The following SLC22A9 variants were observed in gnomAD, a reference collection of about 807,000 sequenced individuals.
The protein encoded by SLC22A9 is organic anion transporter 7.
A neutral mutation model predicts 50.1 loss-of-function variants in SLC22A9; 64 were observed. The observed-to-expected ratio is 1.28, with a 90% CI of 1.04 to 1.57. The LOEUF (loss-of-function observed/expected upper bound fraction) is 1.57, where lower values mean the gene tolerates loss of function less well. Among genes scored for constraint, SLC22A9 ranks in the 40% most tolerant of loss-of-function variants. The pLI is 0.00. For synonymous variants in SLC22A9, 261 were observed against 242.5 expected (o/e 1.08, Z -0.71); for missense variants, 757 against 676.1 (o/e 1.12, Z -1.33).
chr11:63,391,248 T>TGTTAAG (rs2014758794), intron 6 of SLC22A9, among the ~76,000 whole-genome samples: 1 of 152,166 alleles, frequency 6.6e-6, no homozygotes, highest in South Asian at 2.1e-4. Flanking sequence ...ATATGGTCTA[T>TGTTAAG]CCTTAAGAAA....
intron 4 of SLC22A9, 26 bp downstream of exon 4, chr11:63,374,088 T>C (rs200709539): frequency 5.1e-6 from 8 of 1,579,524 alleles, no homozygotes; most frequent in Non-Finnish European, 6.9e-6. Context: ...TTCTTTTGTC[T>C]TAATGAGATA....
intron 6 of SLC22A9, among the ~76,000 whole-genome samples, chr11:63,401,815 GCTAT>G (rs2014956421): frequency 6.6e-6 from 1 of 152,064 alleles, no homozygotes; most frequent in Non-Finnish European, 1.5e-5. Flanking sequence ...GGTGTAAGAT[GCTAT>G]CTCATTATTG....
intron 6 of SLC22A9, among the ~76,000 whole-genome samples, chr11:63,391,273 G>T (rs1365564438): frequency 6.6e-6 from 1 of 152,010 alleles, no homozygotes; most frequent in African/African-American, 2.4e-5. Flanking sequence ...CATGAGCTGA[G>T]GAGAAAAGTG....
At position 63,408,121 on chromosome 11, in the gene SLC22A9, C is replaced by G. The variant is rs61742518; in HGVS notation, c.1298C>G (p.Thr433Arg). 3.3e-5 allele frequency: 53 copies of G among 1,613,010 alleles called. No individual in the cohort carries two copies. The highest frequency in any genetic ancestry group is 1.2e-4 in the African/African-American group (9 of 74,900). The change falls in exon 8 of 10, where the codon ACG becomes AGG. Residue 433 changes from threonine to arginine, a missense_variant. Physicochemically the swap from Thr to Arg is moderately conservative, Grantham distance 71 (BLOSUM62 -1). Coordinates refer to ENST00000279178, the MANE Select transcript of SLC22A9 (RefSeq NM_080866.3). ...AIIFVPQEMQ[T>R]LREVLATLGL... ...TTCTTCCTTTCTCCAGAAATGCAGA[C>G]GCTGCGTGAGGTTTTGGCAACACTG...
intron 5 of SLC22A9, among the ~76,000 whole-genome samples, chr11:63,379,403 AAAATCCTAGAAG>A (rs933437544): frequency 2.0e-5 from 3 of 152,200 alleles, no homozygotes; most frequent in Admixed American, 2.0e-4. Flanking sequence ...TAAAACTATA[AAAATCCTAGAAG>A]AAAACATAGA....
chr11:63,387,330 A>G (rs2014686932), intron 6 of SLC22A9, among the ~76,000 whole-genome samples: 1 of 152,138 alleles, frequency 6.6e-6, no homozygotes, highest in African/African-American at 2.4e-5. Context: ...ATGGTAAGAG[A>G]TAAGGATCTA....
chr11:63,376,908 TC>T (rs1439021159), intron 5 of SLC22A9, among the ~76,000 whole-genome samples: 1 of 151,966 alleles, frequency 6.6e-6, no homozygotes, highest in African/African-American at 2.4e-5. Context: ...AATTCTAATT[TC>T]AGATAAAACA....
chr11:63,386,982 T>C (rs1416617802), intron 6 of SLC22A9, among the ~76,000 whole-genome samples: 2 of 152,096 alleles, frequency 1.3e-5, no homozygotes, highest in African/African-American at 4.8e-5. Flanking sequence ...TTAGTTGTGA[T>C]GTTAGGGTGT....
intron 9 of SLC22A9, 123 bp from the exon 10 acceptor site, chr11:63,409,679 T>C: frequency 1.1e-6 from 1 of 949,420 alleles, no homozygotes; most frequent in Non-Finnish European, 1.6e-6. Context: ...GGGGCAGAGA[T>C]ATGGTTTTTA....
chr11:63,384,049 G>GAA (rs58436264), intron 6 of SLC22A9, among the ~76,000 whole-genome samples: 6,426 of 132,766 alleles, frequency 0.048, 525 homozygotes, highest in African/African-American at 0.18. Context: ...CTCCATCTAA[G>GAA]AAAAAAAAAA....
chr11:63,399,306 T>G (rs1367586899), intron 6 of SLC22A9, among the ~76,000 whole-genome samples: 1 of 152,118 alleles, frequency 6.6e-6, no homozygotes, highest in African/African-American at 2.4e-5. Context: ...CTACAAGTAA[T>G]GTACTTCACC....
chr11:63,376,018 T>A (rs1404406569), intron 5 of SLC22A9, among the ~76,000 whole-genome samples: 1 of 152,122 alleles, frequency 6.6e-6, no homozygotes, highest in Non-Finnish European at 1.5e-5. Context: ...AAGTATTAAC[T>A]ATTGTAAAGA....
chr11:63,370,531 T>G (rs2014336550), intron 1 of SLC22A9, 73 bp downstream of exon 1: 1 of 1,488,830 alleles, frequency 6.7e-7, no homozygotes, highest in African/African-American at 1.4e-5. Context: ...TAATCATGCT[T>G]CCAGCCTTCA....
chr11:63,371,038 C>A, intron 1 of SLC22A9, 97 bp from the exon 2 acceptor site: 1 of 844,542 alleles, frequency 1.2e-6, no homozygotes, highest in Non-Finnish European at 1.9e-6. Context: ...AAGTTAGAGA[C>A]TTAATATTAG....
chr11:63,383,727 CA>C (rs1256951161), intron 6 of SLC22A9, among the ~76,000 whole-genome samples: 1 of 152,040 alleles, frequency 6.6e-6, no homozygotes, highest in African/African-American at 2.4e-5. Context: ...AAACAGCTAC[CA>C]TAACAATGCA....
At chr11:63,397,389 C>T (rs899218656) in intron 6 of SLC22A9, among the ~76,000 whole-genome samples, 8 of 152,038 alleles carry the variant, frequency 5.3e-5, no homozygotes, top group Non-Finnish European at 2.9e-5. Context: ...TGGCTACTGC[C>T]TAGGTTTGCC....
At chr11:63,405,123 CAATAAT>C (rs753994353) in intron 6 of SLC22A9, among the ~76,000 whole-genome samples, 6 of 151,090 alleles carry the variant, frequency 4.0e-5, no homozygotes, top group African/African-American at 4.9e-5. Flanking sequence ...GAAATAATAA[CAATAAT>C]AATAATAATA....
chr11:63,394,597 T>C (rs2014819210), intron 6 of SLC22A9, among the ~76,000 whole-genome samples: 1 of 152,190 alleles, frequency 6.6e-6, no homozygotes, highest in Non-Finnish European at 1.5e-5. Context: ...AAATCTTCTG[T>C]TAATCTGATA....
intron 6 of SLC22A9, among the ~76,000 whole-genome samples, chr11:63,401,131 C>T (rs1468851481): frequency 1.3e-5 from 2 of 151,876 alleles, no homozygotes; most frequent in African/African-American, 2.4e-5. Flanking sequence ...TTACTCAATA[C>T]AGTAGTGGAC....
Sources: gnomAD v4.1 joint callset for allele counts (sites outside exome capture counted in the v4.1 genomes callset) on GRCh38, gnomAD v4.1.1 for gene constraint, MANE v1.5 for transcripts, NCBI Gene and HGNC (gene_info 2026-07-23, HGNC 2026-07-21) for gene names.